LAMA2: variants seen among roughly 807,000 people sequenced by gnomAD.
LAMA2 encodes laminin subunit alpha 2.
A neutral mutation model predicts 364.8 loss-of-function variants in LAMA2; 269 were observed. The ratio of observed to expected loss-of-function variants is 0.74; its 90% CI spans 0.67 to 0.82. LAMA2 has a LOEUF of 0.82. LAMA2 is among the 40% of genes least tolerant of loss of function. LAMA2 has a pLI of 0.00. For missense variants in LAMA2, 3,807 were observed against 3,873.2 expected, an observed-to-expected ratio of 0.98 and a Z score of 0.45; for synonymous variants, 1,379 against 1,370.6, an observed-to-expected ratio of 1.01 and a Z score of -0.14.
chr6:128,920,670 A>ATATATATATATATTATATATACATG (rs1562830898), intron 1 of LAMA2, among the ~76,000 whole-genome samples: 2 of 148,736 alleles, frequency 1.3e-5, no homozygotes, highest in African/African-American at 5.0e-5. Context: ...CAGACATTAC[A>ATATATATATATATTATATATACATG]TATATATATA....
chr6:128,902,930 C>T lies in LAMA2; in HGVS notation c.112+19573C>T, dbSNP rs538399676. ...AAAATAATTCTTACTCCTTCTTTCACTTTAAAGTGTTTAACTCATTTTTGC... is the reference window on the plus strand; with the variant it reads ...AAAATAATTCTTACTCCTTCTTTCATTTTAAAGTGTTTAACTCATTTTTGC... On this transcript the variant is annotated intron_variant, in intron 1 of 64. Coordinates refer to ENST00000421865, the MANE Select transcript of LAMA2 (RefSeq NM_000426.4). Among the ~76,000 whole-genome samples the T allele has an allele frequency of 1.3e-4, 20 of 152,270 alleles. No individual in the cohort carries two copies. The South Asian group carries it at 4.1e-3, about 32-fold the overall frequency.
At chr6:129,130,565 T>G (rs1323513725) in intron 4 of LAMA2, among the ~76,000 whole-genome samples, 3 of 152,148 alleles carry the variant, frequency 2.0e-5, no homozygotes, top group Admixed American at 6.5e-5. Context: ...TGGTGAGACA[T>G]GGAAGATGTA....
chr6:129,444,260 G>A (rs1782259192), intron 44 of LAMA2, among the ~76,000 whole-genome samples: 2 of 152,136 alleles, frequency 1.3e-5, no homozygotes, highest in Admixed American at 6.5e-5. Flanking sequence ...GTGAATAAAA[G>A]GGTCTGTAAT....
At chr6:129,410,753 G>GATAT (rs1420571883) in intron 40 of LAMA2, among the ~76,000 whole-genome samples, 1 of 131,402 alleles carries the variant, frequency 7.6e-6, no homozygotes, top group Non-Finnish European at 1.6e-5. Context: ...TAGATAGATA[G>GATAT]ATAATAGATT....
chr6:128,908,472 G>A lies in LAMA2; in HGVS notation c.112+25115G>A, dbSNP rs1216221587. Among the ~76,000 whole-genome samples the A allele has an allele frequency of 5.2e-3, 772 of 147,640 alleles. 5 individuals carry two copies. The highest frequency in any genetic ancestry group is 8.0e-3 in the Non-Finnish European group (532 of 66,162). On this transcript the variant is annotated intron_variant, in intron 1 of 64. Transcript: ENST00000421865. ...TGGTAGTTTGTATTTCTGTGGGATC[G>A]GTGGTGATATCCCCTTTATCATTTT...
chr6:128,909,139 A>G (rs1257398258), intron 1 of LAMA2, among the ~76,000 whole-genome samples: 1 of 151,640 alleles, frequency 6.6e-6, no homozygotes, highest in Non-Finnish European at 1.5e-5. Context: ...AGTTCTGTAG[A>G]TGTCTATCAG....
chr6:129,370,029 G>C, intron 34 of LAMA2, 39 bp downstream of exon 34: 2 of 1,521,376 alleles, frequency 1.3e-6, no homozygotes, highest in Non-Finnish European at 1.8e-6. Context: ...AAAGCAGATA[G>C]ATTATGTCAA....
chr6:129,036,598 A>G (rs745475671), intron 1 of LAMA2, among the ~76,000 whole-genome samples: 21 of 152,086 alleles, frequency 1.4e-4, no homozygotes, highest in Non-Finnish European at 2.6e-4. Flanking sequence ...TTAAAAATTA[A>G]TTCAACAGAG....
chr6:129,212,688 C>T (rs1467023557), intron 12 of LAMA2, among the ~76,000 whole-genome samples: 2 of 152,136 alleles, frequency 1.3e-5, no homozygotes, highest in African/African-American at 2.4e-5. Context: ...TTTCAAACAT[C>T]GATTTCGGGT....
intron 32 of LAMA2, among the ~76,000 whole-genome samples, chr6:129,358,474 G>A (rs943608808): frequency 1.3e-5 from 2 of 151,942 alleles, no homozygotes; most frequent in African/African-American, 2.4e-5. Context: ...TATTGACCTT[G>A]AAAGACAAAC....
At chr6:129,315,678 C>T (rs776431152) in intron 25 of LAMA2, 23 bp downstream of exon 25, 1 of 1,611,044 alleles carries the variant, frequency 6.2e-7, no homozygotes, top group Non-Finnish European at 8.5e-7. Context: ...ACTTTAATGT[C>T]AAGTGAGAAC....
At chr6:129,039,412 A>G (rs1029419736) in intron 1 of LAMA2, among the ~76,000 whole-genome samples, 1 of 152,232 alleles carries the variant, frequency 6.6e-6, no homozygotes, top group Admixed American at 6.5e-5. Flanking sequence ...GAGGATAGCA[A>G]CAGATGAGTT....
intron 58 of LAMA2, among the ~76,000 whole-genome samples, chr6:129,499,143 G>GT (rs1785426933): frequency 1.3e-5 from 2 of 151,960 alleles, no homozygotes; most frequent in South Asian, 4.2e-4. Flanking sequence ...AAAAACAAGC[G>GT]TATCTGTCCT....
intron 58 of LAMA2, among the ~76,000 whole-genome samples, chr6:129,500,149 CAA>C (rs1478799022): frequency 6.6e-6 from 1 of 152,114 alleles, no homozygotes; most frequent in Non-Finnish European, 1.5e-5. Context: ...GAGATTTGTA[CAA>C]AACACTACCA....
At chr6:129,396,999 A>G (rs1779687524) in intron 37 of LAMA2, among the ~76,000 whole-genome samples, 1 of 146,770 alleles carries the variant, frequency 6.8e-6, no homozygotes, top group Non-Finnish European at 1.5e-5. Context: ...CAAAAAAAAA[A>G]AAAAAGAAAA....
rs145867225 is a variant in LAMA2, at chr6:129,139,243, C to G, written c.640-4658C>G. On this transcript the variant is annotated intron_variant, in intron 4 of 64. Coordinates refer to ENST00000421865, the MANE Select transcript of LAMA2 (RefSeq NM_000426.4). ...GACCAATTGTTGCATTGTTCCCTTTCCTTGAGCTTTCTACAGCTCACCTCG... is the reference window on the plus strand; with the variant it reads ...GACCAATTGTTGCATTGTTCCCTTTGCTTGAGCTTTCTACAGCTCACCTCG... Among the ~76,000 whole-genome samples, 415 of 152,148 alleles carry G rather than the reference C, an allele frequency of 2.7e-3. 3 individuals are homozygous for G. Among genetic ancestry groups the G allele is most frequent in the African/African-American group, 9.3e-3 (387 of 41,524 alleles).
rs55748488 is a variant in LAMA2 at position 129,328,205 on chromosome 6, C to T, written c.4177-73C>T. 40,925 of 1,322,178 alleles carry T rather than the reference C, an allele frequency of 0.031. 762 individuals are homozygous for T. Among genetic ancestry groups the T allele is most frequent in the Non-Finnish European group, 0.038 (35,071 of 917,356 alleles). The allele number at this position is 1,322,178 out of a possible 1,614,324, so 81.9% of individuals were successfully genotyped here. ...GGGAAGGCCAGTCTGTCTTTGCAGC[C>T]ACTGAAGAGCTCAAGCGTTGCTAAT... On this transcript the variant is annotated intron_variant, in intron 28 of 64. Coordinates refer to ENST00000421865, the MANE Select transcript of LAMA2 (RefSeq NM_000426.4).
At chr6:128,978,445 G>C (rs1782666693) in intron 1 of LAMA2, among the ~76,000 whole-genome samples, 1 of 151,286 alleles carries the variant, frequency 6.6e-6, no homozygotes, top group Non-Finnish European at 1.5e-5. Flanking sequence ...AGCCTCCTGA[G>C]TAGCTGGGAT....
intron 1 of LAMA2, among the ~76,000 whole-genome samples, chr6:128,944,515 C>A (rs948919882): frequency 6.6e-6 from 1 of 151,938 alleles, no homozygotes; most frequent in Non-Finnish European, 1.5e-5. Context: ...ATGATTAAGG[C>A]GGGATGCAGT....
Sources: allele counts gnomAD v4.1 joint callset (sites outside exome capture counted in the v4.1 genomes callset), GRCh38; gene constraint gnomAD v4.1.1; transcripts MANE v1.5; gene names NCBI Gene and HGNC (gene_info 2026-07-23, HGNC 2026-07-21).